The following ERC2 variants were observed in gnomAD, a reference collection of about 807,000 sequenced individuals.
ERC2 encodes the protein ELKS/RAB6-interacting/CAST family member 2, also known as ERC protein 2.
Under a neutral mutation model 114.8 loss-of-function variants are expected in ERC2, and 42 were observed. The observed-to-expected ratio is 0.37, with a 90% CI of 0.29 to 0.47. The LOEUF (loss-of-function observed/expected upper bound fraction) is 0.47, where lower values mean the gene tolerates loss of function less well. Among genes scored for constraint, ERC2 ranks in the 20% least tolerant of loss-of-function variants. The probability of loss-of-function intolerance (pLI) is 0.99; values close to 1 mark genes in which losing one functional copy is unlikely to be tolerated. For synonymous variants in ERC2, 454 were observed against 425.5 expected, an observed-to-expected ratio of 1.07 and a Z score of -0.82; for missense variants, 939 against 1,150.7, an observed-to-expected ratio of 0.82 and a Z score of 2.66.
intron 2 of ERC2, among the ~76,000 whole-genome samples, chr3:56,302,216 G>T (rs2055924232): frequency 6.6e-6 from 1 of 152,074 alleles, no homozygotes; most frequent in Non-Finnish European, 1.5e-5. Context: ...ACTCAGTCCT[G>T]GTATGTATTT....
chr3:55,779,487 T>A (rs961977100), intron 14 of ERC2, among the ~76,000 whole-genome samples: 2 of 150,822 alleles, frequency 1.3e-5, no homozygotes, highest in Admixed American at 1.3e-4. Flanking sequence ...GGTGACAGAG[T>A]GAGACTCTGT....
At chr3:56,287,996 G>T (rs554473767) in intron 3 of ERC2, among the ~76,000 whole-genome samples, 5 of 152,146 alleles carry the variant, frequency 3.3e-5, no homozygotes, top group Non-Finnish European at 7.4e-5. Flanking sequence ...TCCTCCCAGG[G>T]TTGCCAAAAG....
intron 14 of ERC2, among the ~76,000 whole-genome samples, chr3:55,837,579 G>C (rs1199623466): frequency 1.8e-4 from 24 of 133,170 alleles, no homozygotes; most frequent in African/African-American, 6.4e-4. Context: ...ACAGGAAGGG[G>C]AACATCACAC....
At chr3:55,908,217 T>A (rs1251641277) in intron 13 of ERC2, among the ~76,000 whole-genome samples, 1 of 152,208 alleles carries the variant, frequency 6.6e-6, no homozygotes, top group Non-Finnish European at 1.5e-5. Flanking sequence ...TGAATTTTCC[T>A]GAAAAAAATC....
At chr3:56,198,107 C>T (rs112573756) in intron 3 of ERC2, among the ~76,000 whole-genome samples, 110 of 152,232 alleles carry the variant, frequency 7.2e-4, no homozygotes, top group East Asian at 3.7e-3. Context: ...GGAGAAAGAG[C>T]CAAGGCAAGA....
chr3:55,614,956 AC>A (rs1306485241), intron 17 of ERC2, among the ~76,000 whole-genome samples: 2 of 152,346 alleles, frequency 1.3e-5, no homozygotes, highest in South Asian at 2.1e-4. Flanking sequence ...ACAACCTACC[AC>A]TTTAAGGAAG....
At chr3:55,825,892 G>A (rs998221033) in intron 14 of ERC2, among the ~76,000 whole-genome samples, 3 of 151,110 alleles carry the variant, frequency 2.0e-5, no homozygotes, top group African/African-American at 7.3e-5. Flanking sequence ...TTTACATGTT[G>A]GATTCTGAAC....
At chr3:56,211,634 C>T (rs1209300579) in intron 3 of ERC2, among the ~76,000 whole-genome samples, 1 of 151,946 alleles carries the variant, frequency 6.6e-6, no homozygotes, top group Non-Finnish European at 1.5e-5. Flanking sequence ...AAAGAACCCA[C>T]ATAGCCAAAG....
At chr3:56,404,531 T>A (rs2060636945) in intron 2 of ERC2, among the ~76,000 whole-genome samples, 1 of 152,206 alleles carries the variant, frequency 6.6e-6, no homozygotes, top group Non-Finnish European at 1.5e-5. Context: ...ACAGGGTGAT[T>A]ATAGTCAATA....
At chr3:56,261,043 T>A (rs1242910093) in intron 3 of ERC2, among the ~76,000 whole-genome samples, 2 of 152,254 alleles carry the variant, frequency 1.3e-5, no homozygotes, top group African/African-American at 2.4e-5. Flanking sequence ...AACTACCACA[T>A]TGGACAGCAC....
intron 17 of ERC2, among the ~76,000 whole-genome samples, chr3:55,560,208 T>C (rs2055910728): frequency 6.6e-6 from 1 of 152,112 alleles, no homozygotes; most frequent in African/African-American, 2.4e-5. Context: ...AGTGAACAGG[T>C]GTGGCTGTGT....
chr3:55,803,193 C>G (rs571198938), intron 14 of ERC2, among the ~76,000 whole-genome samples: 90 of 152,262 alleles, frequency 5.9e-4, no homozygotes, highest in Non-Finnish European at 1.1e-3. Flanking sequence ...TGATAATTAA[C>G]TTCCTACTAT....
chr3:55,824,886 A>G (rs992265543), intron 14 of ERC2, among the ~76,000 whole-genome samples: 3 of 152,208 alleles, frequency 2.0e-5, no homozygotes, highest in Admixed American at 6.5e-5. Flanking sequence ...AGCCGTTGAG[A>G]TAAGTGTTTA....
intron 2 of ERC2, among the ~76,000 whole-genome samples, chr3:56,367,799 T>C (rs188653681): frequency 5.3e-5 from 8 of 152,118 alleles, no homozygotes; most frequent in African/African-American, 1.4e-4. Context: ...AAAAGATCTA[T>C]GGAATTTCTC....
intron 2 of ERC2, among the ~76,000 whole-genome samples, chr3:56,350,472 C>T (rs1411684870): frequency 6.6e-6 from 1 of 152,134 alleles, no homozygotes; most frequent in Non-Finnish European, 1.5e-5. Context: ...TTCTAACCAA[C>T]CTGGTTGATT....
chr3:55,575,711 G>A (rs2056942489), intron 17 of ERC2, among the ~76,000 whole-genome samples: 1 of 152,142 alleles, frequency 6.6e-6, no homozygotes, highest in African/African-American at 2.4e-5. Flanking sequence ...AGCTCCACTA[G>A]TGGCTCAGCT....
At chr3:56,051,159 C>T (rs1000205875) in intron 7 of ERC2, among the ~76,000 whole-genome samples, 2 of 152,142 alleles carry the variant, frequency 1.3e-5, no homozygotes, top group Non-Finnish European at 2.9e-5. Context: ...CAGAACTTTG[C>T]TCTGCTTGTT....
chr3:56,154,830 C>A (rs969839388), intron 4 of ERC2, among the ~76,000 whole-genome samples: 1 of 152,082 alleles, frequency 6.6e-6, no homozygotes, highest in Non-Finnish European at 1.5e-5. Flanking sequence ...ACAGAGCCTA[C>A]CCTAAGAGAG....
At chr3:56,218,230 A>G (rs1428994821) in intron 3 of ERC2, among the ~76,000 whole-genome samples, 5 of 152,204 alleles carry the variant, frequency 3.3e-5, no homozygotes, top group Non-Finnish European at 5.9e-5. Flanking sequence ...AAATTTTTGC[A>G]ATCTACTCAT....
Sources: allele counts gnomAD v4.1 joint callset (sites outside exome capture counted in the v4.1 genomes callset), GRCh38; gene constraint gnomAD v4.1.1; transcripts MANE v1.5; gene names NCBI Gene and HGNC (gene_info 2026-07-23, HGNC 2026-07-21).